ZNF385D: variants seen among roughly 807,000 people sequenced by gnomAD.
ZNF385D encodes zinc finger protein 659.
A neutral mutation model predicts 35.8 loss-of-function variants in ZNF385D; 15 were observed. The ratio of observed to expected loss-of-function variants is 0.42; its 90% CI spans 0.28 to 0.64. ZNF385D has a LOEUF of 0.64. Among genes scored for constraint, ZNF385D ranks in the 30% least tolerant of loss-of-function variants. The pLI, the probability that ZNF385D is intolerant of heterozygous loss-of-function variation, is 0.23. For synonymous variants in ZNF385D, 212 were observed against 186.8 expected (o/e 1.13, Z -1.10); for missense variants, 474 against 494.6 (o/e 0.96, Z 0.39).
chr3:22,153,413 T>C (rs1174253680), intron 3 of ZNF385D, among the ~76,000 whole-genome samples: 1 of 151,868 alleles, frequency 6.6e-6, no homozygotes, highest in Non-Finnish European at 1.5e-5. Context: ...GTTCCTGCAT[T>C]CACAATGACC....
chr3:21,919,206 C>A (rs1012598788), intron 3 of ZNF385D, among the ~76,000 whole-genome samples: 1 of 152,174 alleles, frequency 6.6e-6, no homozygotes. Flanking sequence ...TCCATTCATT[C>A]ACCACACAAG....
intron 3 of ZNF385D, among the ~76,000 whole-genome samples, chr3:21,775,268 A>G (rs879374470): frequency 6.6e-6 from 1 of 151,872 alleles, no homozygotes; most frequent in African/African-American, 2.4e-5. Context: ...AGGGTTGCAA[A>G]GTATTTGCAG....
intron 3 of ZNF385D, among the ~76,000 whole-genome samples, chr3:21,763,148 A>G (rs2070691652): frequency 1.3e-5 from 2 of 152,152 alleles, no homozygotes; most frequent in African/African-American, 2.4e-5. Context: ...TTAGAGAAAA[A>G]AATTCACCTT....
At chr3:22,212,522 T>G (rs1161610532) in intron 2 of ZNF385D, among the ~76,000 whole-genome samples, 1 of 151,970 alleles carries the variant, frequency 6.6e-6, no homozygotes, top group Non-Finnish European at 1.5e-5. Flanking sequence ...GATTCTCTTC[T>G]CTTGGAATTA....
intron 2 of ZNF385D, among the ~76,000 whole-genome samples, chr3:22,186,121 T>G (rs978770742): frequency 2.0e-5 from 3 of 152,206 alleles, no homozygotes; most frequent in Non-Finnish European, 4.4e-5. Context: ...GATTGCTTAA[T>G]TAAGCAAGTT....
At chr3:21,748,416 T>G (rs2069887040) in intron 1 of ZNF385D, among the ~76,000 whole-genome samples, 1 of 137,930 alleles carries the variant, frequency 7.3e-6, no homozygotes. Flanking sequence ...TTCAGCTATA[T>G]TTGAAGGGGT....
At chr3:21,888,744 T>C (rs1698684149) in intron 3 of ZNF385D, among the ~76,000 whole-genome samples, 2 of 152,264 alleles carry the variant, frequency 1.3e-5, no homozygotes, top group Middle Eastern at 3.4e-3. Context: ...ATTTTTCTCA[T>C]TTATCCAAAA....
intron 3 of ZNF385D, among the ~76,000 whole-genome samples, chr3:21,933,280 G>T (rs554298841): frequency 6.6e-6 from 1 of 152,140 alleles, no homozygotes; most frequent in Non-Finnish European, 1.5e-5. Context: ...GAGTTGCAAA[G>T]GTTCATCACA....
rs191902256 is a variant in ZNF385D at position 22,039,662 on chromosome 3, G to A, written c.325+129155C>T. On this transcript the variant is annotated intron_variant, in intron 3 of 5. Transcript: ENST00000494108. ...ATAATATAAAAAAGGAGAAACCGTAGCTTCATGTTAAATTCATTGCAAATC... is the reference window on the plus strand; with the variant it reads ...ATAATATAAAAAAGGAGAAACCGTAACTTCATGTTAAATTCATTGCAAATC... Among the ~76,000 whole-genome samples, 134 of 152,170 alleles carry A rather than the reference G, an allele frequency of 8.8e-4. 1 individual carries two copies. The highest frequency in any genetic ancestry group is 3.0e-3 in the African/African-American group (125 of 41,534).
intron 1 of ZNF385D, among the ~76,000 whole-genome samples, chr3:21,717,647 AG>A (rs951573575): frequency 3.1e-4 from 47 of 152,294 alleles, no homozygotes; most frequent in African/African-American, 1.0e-3. Flanking sequence ...TAATTGAATC[AG>A]GGGGGCGGTT....
intron 3 of ZNF385D, among the ~76,000 whole-genome samples, chr3:21,999,482 A>G (rs1385260769): frequency 6.6e-6 from 1 of 152,162 alleles, no homozygotes; most frequent in African/African-American, 2.4e-5. Flanking sequence ...CAACACCAAC[A>G]TTTTGGGGCT....
intron 3 of ZNF385D, among the ~76,000 whole-genome samples, chr3:21,822,807 GA>G (rs955172437): frequency 2.0e-4 from 29 of 148,232 alleles, no homozygotes; most frequent in African/African-American, 3.2e-4. Flanking sequence ...AATGTTGAGT[GA>G]AAAAAAAACA....
At chr3:22,050,583 T>A (rs879941909) in intron 3 of ZNF385D, among the ~76,000 whole-genome samples, 1 of 152,342 alleles carries the variant, frequency 6.6e-6, no homozygotes, top group African/African-American at 2.4e-5. Flanking sequence ...ATTGTATGTA[T>A]TGAACATTGT....
chr3:22,137,348 A>G (rs1576382979), intron 3 of ZNF385D, among the ~76,000 whole-genome samples: 1 of 152,158 alleles, frequency 6.6e-6, no homozygotes, highest in East Asian at 1.9e-4. Flanking sequence ...TGATACCAAA[A>G]CATGGCAGAG....
chr3:22,193,157 T>C (rs192821556), intron 2 of ZNF385D, among the ~76,000 whole-genome samples: 40 of 152,312 alleles, frequency 2.6e-4, no homozygotes, highest in Admixed American at 2.6e-3. Flanking sequence ...TTCTTATGAA[T>C]AGTTTATATC....
In ZNF385D at chr3:21,416,788, A is replaced by T. The variant is rs777315741; in HGVS notation, c.*4426T>A. 15 of 152,164 alleles carry T rather than the reference A, an allele frequency of 9.9e-5. No homozygotes were observed. Among genetic ancestry groups the T allele is most frequent in the Non-Finnish European group, 2.1e-4 (14 of 68,018 alleles). The allele number at this position is 152,164 out of a possible 1,614,324, so 9.4% of individuals were successfully genotyped here. On this transcript the variant is annotated 3_prime_UTR_variant, in exon 8 of 8. Transcript: ENST00000281523. ...GCAACCATTAGTTAAAATACATGCAAACGCAGGACAGAATTAGTTATGGCT... is the reference window on the plus strand; with the variant it reads ...GCAACCATTAGTTAAAATACATGCATACGCAGGACAGAATTAGTTATGGCT...
At chr3:22,130,908 A>AT (rs1341862007) in intron 3 of ZNF385D, among the ~76,000 whole-genome samples, 1 of 152,034 alleles carries the variant, frequency 6.6e-6, no homozygotes, top group Non-Finnish European at 1.5e-5. Flanking sequence ...CTATTTATTT[A>AT]TTTTTATTTA....
chr3:21,806,441 G>C lies in ZNF385D; in HGVS notation c.326-141413C>G, dbSNP rs978355267. 9.9e-5 allele frequency among the ~76,000 whole-genome samples: 15 copies of C among 152,052 alleles called. No individual in the cohort carries two copies. The East Asian group carries it at 1.6e-3, about 16-fold the overall frequency. On this transcript the variant is annotated intron_variant, in intron 3 of 5. Transcript: ENST00000494108. ...AGGATGGTCTCGATCTCCTGACCTC[G>C]TGATGCACCCACCTCGGCCTCCCAG...
At chr3:22,077,457 G>A (rs1700520223) in intron 3 of ZNF385D, among the ~76,000 whole-genome samples, 1 of 151,876 alleles carries the variant, frequency 6.6e-6, no homozygotes, top group African/African-American at 2.4e-5. Flanking sequence ...GATGTAATTT[G>A]GTCCAGTTCA....
Sources: allele counts gnomAD v4.1 joint callset (sites outside exome capture counted in the v4.1 genomes callset), GRCh38; gene constraint gnomAD v4.1.1; transcripts MANE v1.5; gene names NCBI Gene and HGNC (gene_info 2026-07-23, HGNC 2026-07-21).